The following UBN2 variants were observed in gnomAD, a reference collection of about 807,000 sequenced individuals.
UBN2 encodes ubinuclein 2, also known as ubinuclein-2.
In UBN2, 35 loss-of-function variants were observed where a neutral mutation model predicts 120.2. The ratio of observed to expected loss-of-function variants is 0.29; its 90% CI spans 0.22 to 0.39. The LOEUF is 0.39. UBN2 is among the 10% of genes least tolerant of loss of function. The pLI, the probability that UBN2 is intolerant of heterozygous loss-of-function variation, is 1.00. For missense variants in UBN2, 1,693 were observed against 1,663.2 expected, an observed-to-expected ratio of 1.02 and a Z score of -0.31; for synonymous variants, 661 against 648.7, an observed-to-expected ratio of 1.02 and a Z score of -0.29.
At chr7:139,323,643 T>C in the UBN2 span, among the ~76,000 whole-genome samples, 1 of 150,886 alleles carries the variant, frequency 6.6e-6, no homozygotes, top group East Asian at 1.9e-4. Context: ...AGACTGGAGT[T>C]CAGTGGCGCG....
intron 15 of UBN2, among the ~76,000 whole-genome samples, chr7:139,285,155 TGAATTTTTAGTTTAA>T (rs1797746914): frequency 6.6e-6 from 1 of 152,148 alleles, no homozygotes; most frequent in Admixed American, 6.5e-5. Context: ...TTCCCGTTCG[TGAATTTTTAGTTTAA>T]ACTTACCTCT....
chr7:139,288,606 A>G (rs1342694836), intron 15 of UBN2, among the ~76,000 whole-genome samples: 4 of 152,184 alleles, frequency 2.6e-5, no homozygotes, highest in Admixed American at 6.6e-5. Flanking sequence ...GTTCTTAAAC[A>G]GGGGACTGAT....
At chr7:139,261,129 G>A in intron 5 of UBN2, 123 bp from the exon 6 acceptor site, 2 of 1,179,750 alleles carry the variant, frequency 1.7e-6, no homozygotes, top group South Asian at 3.3e-5. Flanking sequence ...AAGTTAATAA[G>A]AAATTAAGAA....
chr7:139,256,502 A>G (rs1253427723), intron 3 of UBN2, among the ~76,000 whole-genome samples: 1 of 152,204 alleles, frequency 6.6e-6, no homozygotes, highest in African/African-American at 2.4e-5. Context: ...CCTGGCTTTC[A>G]TCTTTAAAGT....
rs1796974426 is a variant in UBN2 at position 139,262,675 on chromosome 7, C to G, written c.1395+934C>G. On this transcript the variant is annotated intron_variant, in intron 6 of 17. Coordinates refer to ENST00000473989, the MANE Select transcript of UBN2 (RefSeq NM_173569.4). The stretch of plus-strand genomic sequence containing the variant: ...GTTACAGTGAGCCGAGATTGCGCCA[C>G]TGCACTCCATCCTGGGTGACAGAGC... Among the ~76,000 whole-genome samples, 3 of 149,058 alleles carry G rather than the reference C, an allele frequency of 2.0e-5. No individual in the cohort carries two copies. In the South Asian group the frequency reaches 6.3e-4, roughly 31 times the overall value.
At chr7:139,273,708 A>G (rs569241828) in intron 10 of UBN2, among the ~76,000 whole-genome samples, 56 of 152,296 alleles carry the variant, frequency 3.7e-4, no homozygotes, top group Middle Eastern at 6.8e-3. Flanking sequence ...TCTCAATAGT[A>G]TTTCTATACC....
intron 3 of UBN2, among the ~76,000 whole-genome samples, chr7:139,255,084 A>G (rs151146241): frequency 0.018 from 2,668 of 152,206 alleles, 290 homozygotes; most frequent in Admixed American, 0.16. Flanking sequence ...TTCCCTTAAA[A>G]TCTTCTGTGC....
chr7:139,276,003 G>A, intron 11 of UBN2, 94 bp from the exon 12 acceptor site: 1 of 941,640 alleles, frequency 1.1e-6, no homozygotes, highest in Non-Finnish European at 1.6e-6. Flanking sequence ...AGCAGTAATA[G>A]TCTACTGAAA....
At chr7:139,260,060 C>T (rs1796884964) in intron 5 of UBN2, among the ~76,000 whole-genome samples, 1 of 151,992 alleles carries the variant, frequency 6.6e-6, no homozygotes, top group Admixed American at 6.6e-5. Flanking sequence ...TGAGCCACTG[C>T]ACCCAGCCAA....
intron 1 of UBN2, among the ~76,000 whole-genome samples, chr7:139,236,424 T>C (rs1002171129): frequency 6.6e-6 from 1 of 152,208 alleles, no homozygotes; most frequent in Non-Finnish European, 1.5e-5. Context: ...CTACACACAC[T>C]CAGTGTTAAC....
rs775485720 is a variant in UBN2, at chr7:139,231,947, C to A, written c.463C>A (p.Gln155Lys). 6.3e-7 allele frequency: 1 copy of A among 1,580,382 alleles called. No homozygotes were observed. The highest frequency in any genetic ancestry group is 8.5e-7 in the Non-Finnish European group (1 of 1,170,110). Reference protein sequence around the residue: ...SYPELLLCGEQRKKLIHTEDP... With the variant: ...SYPELLLCGEKRKKLIHTEDP... ...CCCGGAGCTGCTGCTGTGCGGAGAA[C>A]AACGGGTACAGAAGATTCTTCCCTC... Residue 155 changes from glutamine to lysine, a missense_variant, in exon 1 of 18, where the codon CAA (glutamine) becomes AAA (lysine). Around this residue, in one of 5 missense-constraint regions of UBN2, gnomAD observed 663 missense variants for 591.2 expected, o/e 1.12. Coordinates refer to ENST00000473989, the MANE Select transcript of UBN2 (RefSeq NM_173569.4).
chr7:139,266,311 A>G (rs372942618), intron 6 of UBN2, 22 bp from the exon 7 acceptor site: 9 of 1,502,850 alleles, frequency 6.0e-6, no homozygotes, highest in East Asian at 2.3e-5. Context: ...TTGATTTATT[A>G]TCATCTTTCT....
chr7:139,246,369 A>C (rs550807080), intron 2 of UBN2, among the ~76,000 whole-genome samples: 1 of 152,252 alleles, frequency 6.6e-6, no homozygotes, highest in Admixed American at 6.5e-5. Flanking sequence ...CTCCGTCTCA[A>C]AAAAAATTTG....
chr7:139,270,388 C>T (rs1052453177), intron 8 of UBN2, among the ~76,000 whole-genome samples: 2 of 151,640 alleles, frequency 1.3e-5, no homozygotes, highest in South Asian at 2.1e-4. Context: ...CCTGTCTCAG[C>T]CTCCCGAGTA....
chr7:139,298,289 A>G lies in UBN2; in HGVS notation c.*453A>G, dbSNP rs188135645. ...TTTGTCAGGAATAATGATCATGTCTATTTGAATGGACTGTGTAGCAGATTT... is the reference window on the plus strand; with the variant it reads ...TTTGTCAGGAATAATGATCATGTCTGTTTGAATGGACTGTGTAGCAGATTT... On this transcript the variant is annotated 3_prime_UTR_variant, in exon 18 of 18. Transcript: ENST00000473989. The G allele has an allele frequency of 1.2e-5, 2 of 167,004 alleles. No individual in the cohort carries two copies. The highest frequency in any genetic ancestry group is 2.4e-5 in the African/African-American group (1 of 41,826). The allele number at this position is 167,004 out of a possible 1,614,324, so 10.3% of individuals were successfully genotyped here. A position where few individuals can be genotyped will look rare whatever the true frequency, so the allele number is the denominator to read the frequency against.
chr7:139,314,139 C>A, the UBN2 span, among the ~76,000 whole-genome samples: 1 of 150,654 alleles, frequency 6.6e-6, no homozygotes, highest in Non-Finnish European at 1.5e-5. Flanking sequence ...TGAGTCACCG[C>A]ACCTGGCCCA....
chr7:139,283,578 C>T lies in UBN2; in HGVS notation c.2673C>T (p.Ser891=). 6.2e-7 allele frequency: 1 copy of T among 1,614,184 alleles called. No individual in the cohort carries two copies. The highest frequency in any genetic ancestry group is 8.5e-7 in the Non-Finnish European group (1 of 1,180,026). Residue 891 remains serine (S), a synonymous_variant, in exon 15 of 18, where the codon TCC becomes TCT. Transcript: ENST00000473989. The part of the protein sequence containing the change: ...LQRSSQIHTS[S]SSQTHVSSSS... ...GGTCAAGCCAGATTCACACTTCTTC[C>T]TCTTCACAGACCCATGTCTCCTCTT... is the stretch of plus-strand genomic sequence containing the variant.
intron 15 of UBN2, among the ~76,000 whole-genome samples, chr7:139,292,019 A>G (rs1797971983): frequency 6.6e-6 from 1 of 152,104 alleles, no homozygotes; most frequent in Non-Finnish European, 1.5e-5. Flanking sequence ...AGGCCAACGC[A>G]GTGAGGAGAT....
intron 15 of UBN2, among the ~76,000 whole-genome samples, chr7:139,285,255 C>T (rs955857256): frequency 1.3e-5 from 2 of 152,100 alleles, no homozygotes; most frequent in African/African-American, 2.4e-5. Context: ...GTCTGTAATA[C>T]CAGCACTTTG....
Sources: gnomAD v4.1 joint callset for allele counts (sites outside exome capture counted in the v4.1 genomes callset) on GRCh38, gnomAD v4.1.1 for gene constraint, gnomAD v4.1.1 regional missense constraint, MANE v1.5 for transcripts, NCBI Gene and HGNC (gene_info 2026-07-23, HGNC 2026-07-21) for gene names.